SRPK1: variants seen among roughly 807,000 people sequenced by gnomAD.
The protein encoded by SRPK1 is SRSF protein kinase 1.
A neutral mutation model predicts 89.5 loss-of-function variants in SRPK1; 52 were observed. The ratio of observed to expected loss-of-function variants is 0.58; its 90% CI spans 0.46 to 0.73. The LOEUF is 0.73. Among genes scored for constraint, SRPK1 ranks in the 30% least tolerant of loss-of-function variants. The pLI is 0.00. For synonymous variants in SRPK1, 255 were observed against 270.2 expected (o/e 0.94, Z 0.55); for missense variants, 603 against 780.6 (o/e 0.77, Z 2.71).
intron 2 of SRPK1, among the ~76,000 whole-genome samples, chr6:35,891,727 CAA>C (rs71540131): frequency 5.0e-4 from 47 of 93,926 alleles, no homozygotes; most frequent in Admixed American, 7.3e-4. Context: ...AACTCTGTCT[CAA>C]AAAAAAAAAA....
chr6:35,902,911 T>G (rs1282030735), intron 2 of SRPK1, among the ~76,000 whole-genome samples: 1 of 152,152 alleles, frequency 6.6e-6, no homozygotes, highest in Admixed American at 6.5e-5. Context: ...AGAAAAAACC[T>G]GGCATCTCTG....
intron 13 of SRPK1, among the ~76,000 whole-genome samples, chr6:35,845,139 G>T (rs1769399398): frequency 1.3e-5 from 2 of 152,140 alleles, no homozygotes; most frequent in African/African-American, 4.8e-5. Flanking sequence ...GGGACGGGAG[G>T]GATGAATAGG....
intron 2 of SRPK1, among the ~76,000 whole-genome samples, chr6:35,913,721 C>T (rs1375401452): frequency 1.3e-5 from 2 of 150,668 alleles, no homozygotes; most frequent in African/African-American, 4.9e-5. Context: ...TTGCTTGAAC[C>T]CAGGAGGCGG....
intron 12 of SRPK1, among the ~76,000 whole-genome samples, chr6:35,862,053 C>T (rs926081967): frequency 6.6e-6 from 1 of 152,212 alleles, no homozygotes; most frequent in Non-Finnish European, 1.5e-5. Context: ...AGGGACTAGC[C>T]CCCTCCGACC....
intron 12 of SRPK1, 92 bp from the exon 13 acceptor site, chr6:35,857,460 GAA>G: frequency 9.1e-7 from 1 of 1,094,264 alleles, no homozygotes; most frequent in South Asian, 1.5e-5. Context: ...TAAACTCTCT[GAA>G]GTTTTTCCCA....
At chr6:35,897,621 C>G (rs1387380374) in intron 2 of SRPK1, among the ~76,000 whole-genome samples, 1 of 152,130 alleles carries the variant, frequency 6.6e-6, no homozygotes, top group African/African-American at 2.4e-5. Flanking sequence ...TTCAAGTGAT[C>G]CTCCCACCTC....
At chr6:35,836,283 C>T (rs1769176937) in intron 15 of SRPK1, among the ~76,000 whole-genome samples, 1 of 151,798 alleles carries the variant, frequency 6.6e-6, no homozygotes, top group African/African-American at 2.4e-5. Flanking sequence ...CTCCAAACCA[C>T]CCCCCAACCC....
intron 6 of SRPK1, among the ~76,000 whole-genome samples, chr6:35,883,441 G>C (rs997135905): frequency 6.7e-6 from 1 of 148,216 alleles, no homozygotes; most frequent in African/African-American, 2.5e-5. Context: ...ATCAAAACAA[G>C]ATTATTTAAA....
intron 13 of SRPK1, among the ~76,000 whole-genome samples, chr6:35,848,554 C>G (rs1440167191): frequency 6.6e-6 from 1 of 152,146 alleles, no homozygotes; most frequent in East Asian, 1.9e-4. Context: ...GAGACTCTGT[C>G]TCAAAACAAG....
intron 12 of SRPK1, among the ~76,000 whole-genome samples, chr6:35,862,825 AAACAACAAC>A (rs138109026): frequency 5.3e-4 from 80 of 151,966 alleles, no homozygotes; most frequent in African/African-American, 1.8e-3. Context: ...AGATATCTTA[AAACAACAAC>A]AACAACAACA....
chr6:35,835,784 A>C (rs1372827846), intron 15 of SRPK1, among the ~76,000 whole-genome samples: 5 of 152,140 alleles, frequency 3.3e-5, no homozygotes, highest in Admixed American at 2.0e-4. Flanking sequence ...TTACTACTAA[A>C]ATAAACATGA....
At chr6:35,842,894 T>C (rs1007638317) in intron 13 of SRPK1, among the ~76,000 whole-genome samples, 4 of 152,142 alleles carry the variant, frequency 2.6e-5, no homozygotes, top group Non-Finnish European at 5.9e-5. Flanking sequence ...CCTCCTGAGT[T>C]TCCCTTTTTT....
chr6:35,898,976 C>A (rs1245160607), intron 2 of SRPK1, among the ~76,000 whole-genome samples: 1 of 152,124 alleles, frequency 6.6e-6, no homozygotes, highest in African/African-American at 2.4e-5. Flanking sequence ...GCCTAGCCAA[C>A]ATGGTGAAAC....
intron 13 of SRPK1, among the ~76,000 whole-genome samples, chr6:35,853,654 G>C (rs889465556): frequency 6.6e-6 from 1 of 152,188 alleles, no homozygotes; most frequent in Non-Finnish European, 1.5e-5. Context: ...ACAAGTGCCA[G>C]TGGGAGTCCT....
intron 2 of SRPK1, among the ~76,000 whole-genome samples, chr6:35,915,291 C>T (rs764727496): frequency 2.6e-5 from 4 of 151,266 alleles, no homozygotes; most frequent in African/African-American, 4.8e-5. Flanking sequence ...CCTGTAGTCC[C>T]GGCTACTCGG....
chr6:35,856,571 C>G (rs990699463), intron 13 of SRPK1, among the ~76,000 whole-genome samples: 8 of 152,146 alleles, frequency 5.3e-5, no homozygotes, highest in African/African-American at 1.9e-4. Context: ...CAAAATGTGT[C>G]AGGCAATGAA....
At chr6:35,894,937 A>G (rs1406150809) in intron 2 of SRPK1, among the ~76,000 whole-genome samples, 1 of 152,194 alleles carries the variant, frequency 6.6e-6, no homozygotes, top group Non-Finnish European at 1.5e-5. Context: ...AAAACAGAAG[A>G]GCCAAAAAGG....
intron 2 of SRPK1, among the ~76,000 whole-genome samples, chr6:35,903,949 G>T (rs986311974): frequency 6.6e-6 from 1 of 151,726 alleles, no homozygotes; most frequent in Admixed American, 6.6e-5. Flanking sequence ...AACTATTAGC[G>T]TGCATCACAA....
At chr6:35,904,218 T>C (rs1376846045) in intron 2 of SRPK1, among the ~76,000 whole-genome samples, 1 of 152,196 alleles carries the variant, frequency 6.6e-6, no homozygotes, top group East Asian at 1.9e-4. Context: ...TTCTGATAAC[T>C]TTCTGAAGTT....
Sources: gnomAD v4.1 joint callset for allele counts (sites outside exome capture counted in the v4.1 genomes callset) on GRCh38, gnomAD v4.1.1 for gene constraint, MANE v1.5 for transcripts, NCBI Gene and HGNC (gene_info 2026-07-23, HGNC 2026-07-21) for gene names.